The following NUDT5 variants were observed in gnomAD, a reference collection of about 807,000 sequenced individuals.
NUDT5 encodes ADP-sugar pyrophosphatase.
In NUDT5, 21 loss-of-function variants were observed where a neutral mutation model predicts 34.1. That is an observed-to-expected ratio of 0.62 (90% CI 0.44 to 0.89). The LOEUF (loss-of-function observed/expected upper bound fraction) is 0.89, where lower values mean the gene tolerates loss of function less well. Among genes scored for constraint, NUDT5 ranks in the 40% least tolerant of loss-of-function variants. The pLI, the probability that NUDT5 is intolerant of heterozygous loss-of-function variation, is 0.00. For synonymous variants in NUDT5, 85 were observed against 97.6 expected, an observed-to-expected ratio of 0.87 and a Z score of 0.76; for missense variants, 249 against 274.8, an observed-to-expected ratio of 0.91 and a Z score of 0.66.
Position 12,175,900 on chromosome 10 carries a change from T to C in NUDT5, c.289+1893A>G, listed in dbSNP as rs540142710. Among the ~76,000 whole-genome samples the C allele has an allele frequency of 1.3e-5, 2 of 151,726 alleles. No homozygotes were observed. Among genetic ancestry groups the C allele is most frequent in the East Asian group, 3.9e-4 (2 of 5,140 alleles). The stretch of plus-strand genomic sequence containing the variant: ...CCCATCTCAAAGAAAAAAGAAAAAG[T>C]GAGAGAAGAATTTATTCACGTTAAT... On this transcript the variant is annotated intron_variant, in intron 5 of 9. Coordinates refer to ENST00000491614, the MANE Select transcript of NUDT5 (RefSeq NM_014142.4). The surrounding 1 kb of genome is among the most constrained non-coding windows in gnomAD (Gnocchi z 4.8).
rs184568860 is a variant in NUDT5, at chr10:12,170,538, C to T, written c.550+179G>A. Reference sequence around the variant, plus strand: ...AGAATGCTTTGCTCTTATTTTCAAACTCTGTGCCACCCAGAAAGGAAAATT... The same window carrying T: ...AGAATGCTTTGCTCTTATTTTCAAATTCTGTGCCACCCAGAAAGGAAAATT... On this transcript the variant is annotated intron_variant, in intron 9 of 9. Coordinates refer to ENST00000491614, the MANE Select transcript of NUDT5 (RefSeq NM_014142.4). This position sits in a 1 kb window ranked among gnomAD's most constrained non-coding sequence, Gnocchi z 4.9. 8 of 680,626 alleles carry T rather than the reference C, an allele frequency of 1.2e-5. No individual in the cohort carries two copies. In the African/African-American group the frequency reaches 1.3e-4, roughly 11 times the overall value. 42.2% of individuals were successfully genotyped at this position (680,626 alleles called of 1,614,324 possible).
Position 12,170,765 on chromosome 10 carries a change from C to T in NUDT5, c.502G>A (p.Val168Met). Residue 168 changes from valine (V) to methionine (M), a missense_variant, in exon 9 of 10, where the codon GTG becomes ATG. Coordinates refer to ENST00000491614, the MANE Select transcript of NUDT5 (RefSeq NM_014142.4). The surrounding 1 kb of genome is among the most constrained non-coding windows in gnomAD (Gnocchi z 4.9). ...TTCTTGGGTAAAGAAATGACTTCCA[C>T]AAACTCTAAACAGACAAAGTGCAAG... ...PKPKPGDGEFVEVISLPKNDL... is the reference protein window; with the variant it reads ...PKPKPGDGEFMEVISLPKNDL... The T allele has an allele frequency of 6.2e-7, 1 of 1,614,130 alleles. No individual in the cohort carries two copies.
chr10:12,177,973 G>T, intron 4 of NUDT5, 73 bp from the exon 5 acceptor site: 3 of 1,107,166 alleles, frequency 2.7e-6, no homozygotes, highest in Non-Finnish European at 4.1e-6. Flanking sequence ...TTTAGAGCAA[G>T]CTAATGAAAA....
Position 12,171,782 on chromosome 10 carries a change from T to C in NUDT5, c.488-874A>G, listed in dbSNP as rs538565110. ...GTCTGTTGCCCGGGCTGGAGTGCAGTGGTGTGATCTTGACTCACTGCAACC... is the reference window on the plus strand; with the variant it reads ...GTCTGTTGCCCGGGCTGGAGTGCAGCGGTGTGATCTTGACTCACTGCAACC... On this transcript the variant is annotated intron_variant, in intron 7 of 9. Coordinates refer to ENST00000491614, the MANE Select transcript of NUDT5 (RefSeq NM_014142.4). This position sits in a 1 kb window ranked among gnomAD's most constrained non-coding sequence, Gnocchi z 4.2. Among the ~76,000 whole-genome samples the C allele has an allele frequency of 2.0e-5, 3 of 151,842 alleles. No homozygotes were observed. Among genetic ancestry groups the C allele is most frequent in the East Asian group, 3.9e-4 (2 of 5,178 alleles).
intron 1 of NUDT5, among the ~76,000 whole-genome samples, chr10:12,193,938 G>A (rs972344332): frequency 2.0e-5 from 3 of 151,514 alleles, no homozygotes; most frequent in Non-Finnish European, 1.5e-5. Context: ...GTGCAGTGGC[G>A]CGATCTCGGC....
chr10:12,191,046 G>C (rs1440565799), intron 1 of NUDT5, among the ~76,000 whole-genome samples: 2 of 152,128 alleles, frequency 1.3e-5, no homozygotes, highest in Non-Finnish European at 2.9e-5. Flanking sequence ...AGTGTATGGC[G>C]AGCTCTGTGG....
chr10:12,177,626 G>A (rs573825056), intron 5 of NUDT5, among the ~76,000 whole-genome samples, 167 bp downstream of exon 5: 12 of 152,344 alleles, frequency 7.9e-5, no homozygotes, highest in African/African-American at 2.6e-4. Context: ...TCAGAGGGTT[G>A]TTGGGGTGTC....
chr10:12,177,773 T>G lies in NUDT5; in HGVS notation c.289+20A>C. ...TCAGGCCAACATCCCTAAGAAGCAA[T>G]TCGATGTTGAGTGACTCACCTGCAG... On this transcript the variant is annotated intron_variant, in intron 5 of 9. Coordinates refer to ENST00000491614, the MANE Select transcript of NUDT5 (RefSeq NM_014142.4). 1 of 1,554,018 alleles carries G rather than the reference T, an allele frequency of 6.4e-7. No homozygotes were observed. Among genetic ancestry groups the G allele is most frequent in the Non-Finnish European group, 8.9e-7 (1 of 1,125,188 alleles).
At chr10:12,193,823 C>A (rs1835278845) in intron 1 of NUDT5, among the ~76,000 whole-genome samples, 1 of 151,800 alleles carries the variant, frequency 6.6e-6, no homozygotes, top group African/African-American at 2.4e-5. Flanking sequence ...CTACACACAA[C>A]TGCAATTCTA....
chr10:12,186,419 G>A (rs904148750), intron 1 of NUDT5, 87 bp from the exon 2 acceptor site: 73 of 726,276 alleles, frequency 1.0e-4, no homozygotes, highest in Non-Finnish European at 1.5e-4. Context: ...GTACTTAAAC[G>A]GCAAAAAATT....
rs755425599 is a variant in NUDT5 at position 12,187,098 on chromosome 10, T to A, written c.-41-766A>T. Among the ~76,000 whole-genome samples the A allele has an allele frequency of 3.9e-5, 6 of 152,154 alleles. No homozygotes were observed. Among genetic ancestry groups the A allele is most frequent in the Non-Finnish European group, 8.8e-5 (6 of 68,030 alleles). Reference sequence around the variant, plus strand: ...CACAGGTTGGAGTGCAGTGGCGAAATCATGGCTCACTGTAGCCTCTACCTC... The same window carrying A: ...CACAGGTTGGAGTGCAGTGGCGAAAACATGGCTCACTGTAGCCTCTACCTC... On this transcript the variant is annotated intron_variant, in intron 1 of 9. Transcript: ENST00000491614. This position sits in a 1 kb window ranked among gnomAD's most constrained non-coding sequence, Gnocchi z 5.4.
At position 12,168,467 on chromosome 10, in the gene NUDT5, T is replaced by G. The variant is rs529671944; in HGVS notation, c.551-656A>C. ...AGGATCTTAGGGATTCCATCTTTTC[T>G]GCTGCTAGGGGATACATATGTTCCC... is the stretch of plus-strand genomic sequence containing the variant. On this transcript the variant is annotated intron_variant, in intron 9 of 9. Transcript: ENST00000491614. This position sits in a 1 kb window ranked among gnomAD's most constrained non-coding sequence, Gnocchi z 4.8. 2.6e-5 allele frequency among the ~76,000 whole-genome samples: 4 copies of G among 152,346 alleles called. No individual in the cohort carries two copies. In the South Asian group the frequency reaches 8.3e-4, roughly 32 times the overall value.
At chr10:12,178,344 A>G (rs1368978542) in intron 4 of NUDT5, among the ~76,000 whole-genome samples, 4 of 143,648 alleles carry the variant, frequency 2.8e-5, no homozygotes, top group Non-Finnish European at 6.1e-5. Context: ...CTGATTTTCC[A>G]GTTTTAGGGT....
chr10:12,170,836 G>A lies in NUDT5; in HGVS notation c.496+64C>T. On this transcript the variant is annotated intron_variant, in intron 8 of 9. Coordinates refer to ENST00000491614, the MANE Select transcript of NUDT5 (RefSeq NM_014142.4). The surrounding 1 kb of genome is among the most constrained non-coding windows in gnomAD (Gnocchi z 4.9). ...AGAGCCTACCAAAACAACCCAAAATGTCTGCAGCCATCACCACTACACTAA... is the reference window on the plus strand; with the variant it reads ...AGAGCCTACCAAAACAACCCAAAATATCTGCAGCCATCACCACTACACTAA... 6.2e-7 allele frequency: 1 copy of A among 1,612,518 alleles called. No homozygotes were observed. Among genetic ancestry groups the A allele is most frequent in the East Asian group, 2.2e-5 (1 of 44,882 alleles).
intron 1 of NUDT5, among the ~76,000 whole-genome samples, chr10:12,186,981 T>C (rs1315288526): frequency 1.3e-5 from 2 of 151,978 alleles, no homozygotes; most frequent in Non-Finnish European, 2.9e-5. Flanking sequence ...AGAAGAAAGA[T>C]TTACCACTCT....
At position 12,177,881 on chromosome 10, in the gene NUDT5, C is replaced by T. The variant is rs1475403021; in HGVS notation, c.201G>A (p.Val67=). The change falls in exon 5 of 10, where the codon GTG becomes GTA. Residue 67 remains valine (V), a synonymous_variant. Transcript: ENST00000491614. ...QTADGVAVIP[V]LQRTLHYECI... ...ACTCATAGTGAAGTGTTCTCTGCAG[C>T]ACGGGGATGACCGCGACACCTGTCA... 1 of 1,614,042 alleles carries T rather than the reference C, an allele frequency of 6.2e-7. No individual in the cohort carries two copies. The highest frequency in any genetic ancestry group is 1.7e-5 in the Admixed American group (1 of 60,020).
In NUDT5 at chr10:12,187,721, T is replaced by C. The variant is rs936761744; in HGVS notation, c.-41-1389A>G. ...GGAAGCTTGTAGTTAGTCACTTTCA[T>C]GTCGATGTTATTGTACTGGGAAGTC... On this transcript the variant is annotated intron_variant, in intron 1 of 9. Transcript: ENST00000491614. This position sits in a 1 kb window ranked among gnomAD's most constrained non-coding sequence, Gnocchi z 5.4. Among the ~76,000 whole-genome samples, 30 of 152,196 alleles carry C rather than the reference T, an allele frequency of 2.0e-4. No homozygotes were observed. The highest frequency in any genetic ancestry group is 5.8e-4 in the African/African-American group (24 of 41,446).
In NUDT5 at chr10:12,168,695, C is replaced by T. The variant is rs1834773111; in HGVS notation, c.551-884G>A. On this transcript the variant is annotated intron_variant, in intron 9 of 9. Transcript: ENST00000491614. The surrounding 1 kb of genome is among the most constrained non-coding windows in gnomAD (Gnocchi z 4.8). ...TTGCAGGCAGGAAGCATGTCCTACTCACCTGGGCACAGCAGGTGCTTGGTA... is the reference window on the plus strand; with the variant it reads ...TTGCAGGCAGGAAGCATGTCCTACTTACCTGGGCACAGCAGGTGCTTGGTA... Among the ~76,000 whole-genome samples the T allele has an allele frequency of 1.3e-5, 2 of 152,192 alleles. No individual in the cohort carries two copies. Among genetic ancestry groups the T allele is most frequent in the South Asian group, 2.1e-4 (1 of 4,830 alleles).
chr10:12,188,627 A>C (rs1294695837), intron 1 of NUDT5, among the ~76,000 whole-genome samples: 2 of 150,158 alleles, frequency 1.3e-5, no homozygotes, highest in African/African-American at 2.4e-5. Context: ...ACTACAGGGA[A>C]GGCTGAGGGA....
Sources: allele counts gnomAD v4.1 joint callset (sites outside exome capture counted in the v4.1 genomes callset), GRCh38; gene constraint gnomAD v4.1.1; non-coding constraint Gnocchi (gnomAD v3.1); transcripts MANE v1.5; gene names NCBI Gene and HGNC (gene_info 2026-07-23, HGNC 2026-07-21).